AGBL1: variants seen among roughly 807,000 people sequenced by gnomAD.
AGBL1 encodes cytosolic carboxypeptidase 4.
AGBL1 carries 130 observed loss-of-function variants against 118.9 expected under a neutral mutation model. That is an observed-to-expected ratio of 1.09 (90% CI 0.95 to 1.26). AGBL1 has a LOEUF of 1.26. AGBL1 is among the 50% of genes most tolerant of loss of function. The pLI is 0.00. For missense variants in AGBL1, 1,584 were observed against 1,298.1 expected (o/e 1.22, Z -3.38); for synonymous variants, 555 against 478.9 (o/e 1.16, Z -2.08).
At chr15:86,338,491 ATTAC>A (rs2080409119) in intron 17 of AGBL1, among the ~76,000 whole-genome samples, 1 of 149,320 alleles carries the variant, frequency 6.7e-6, no homozygotes, top group Admixed American at 6.7e-5. Context: ...TATTAAAGGA[ATTAC>A]TCTGGCTGTT....
chr15:86,550,533 T>C (rs1266510258), intron 20 of AGBL1, among the ~76,000 whole-genome samples: 1 of 152,012 alleles, frequency 6.6e-6, no homozygotes, highest in Non-Finnish European at 1.5e-5. Flanking sequence ...GAGCTAAGGG[T>C]GCAATTCATA....
intron 22 of AGBL1, among the ~76,000 whole-genome samples, chr15:86,860,660 G>A (rs1279443259): frequency 6.6e-6 from 1 of 152,022 alleles, no homozygotes; most frequent in Admixed American, 6.6e-5. Flanking sequence ...AGCCCAAGGA[G>A]CTTATTTTTG....
chr15:86,290,343 C>CTTTTTTTTTTTTTTT (rs559169172), intron 16 of AGBL1, among the ~76,000 whole-genome samples: 1 of 134,346 alleles, frequency 7.4e-6, no homozygotes, highest in South Asian at 2.3e-4. Context: ...TCTTTTCTTT[C>CTTTTTTTTTTTTTTT]TTTTTTTTTT....
chr15:87,030,768 T>C (rs1358947852), downstream of AGBL1, among the ~76,000 whole-genome samples: 2 of 151,982 alleles, frequency 1.3e-5, no homozygotes, highest in African/African-American at 2.4e-5. Flanking sequence ...ATCCACTTTT[T>C]CTCCATTAGA....
At chr15:86,755,635 A>G (rs372864690) in intron 22 of AGBL1, among the ~76,000 whole-genome samples, 7 of 152,058 alleles carry the variant, frequency 4.6e-5, no homozygotes, top group South Asian at 2.1e-4. Flanking sequence ...TTGCCGCTCT[A>G]TCTTACTTTT....
intron 17 of AGBL1, among the ~76,000 whole-genome samples, chr15:86,336,135 T>C (rs770278223): frequency 2.0e-5 from 3 of 152,206 alleles, no homozygotes; most frequent in African/African-American, 7.2e-5. Context: ...CCACCTGTGA[T>C]AGAGTGCCCT....
chr15:86,217,115 T>C (rs2078202648), intron 5 of AGBL1, among the ~76,000 whole-genome samples: 1 of 152,238 alleles, frequency 6.6e-6, no homozygotes. Context: ...TTTTTCTTTT[T>C]TTCCCCATGG....
chr15:86,730,812 C>CTATTT (rs898850960), intron 22 of AGBL1, among the ~76,000 whole-genome samples: 17 of 151,992 alleles, frequency 1.1e-4, no homozygotes, highest in East Asian at 1.9e-4. Context: ...AGATTTGTAC[C>CTATTT]TATTTTATTT....
At position 86,271,707 on chromosome 15, in the gene AGBL1, G is replaced by T; in HGVS notation, c.2075+1G>T. 2 of 1,610,076 alleles carry T rather than the reference G, an allele frequency of 1.2e-6. No homozygotes were observed. The highest frequency in any genetic ancestry group is 1.7e-6 in the Non-Finnish European group (2 of 1,176,386). ...CAGGCCATGAAATATGTTATTACAA[G>T]TAAGTTAGAGCGCTGTTAGCTTCCT... On this transcript the variant is annotated splice_donor_variant, in intron 15 of 22. Transcript: ENST00000614907. LOFTEE classifies it high-confidence loss of function.
chr15:86,572,910 T>A (rs2142314125), intron 21 of AGBL1, among the ~76,000 whole-genome samples: 1 of 152,348 alleles, frequency 6.6e-6, no homozygotes, highest in African/African-American at 2.4e-5. Context: ...GTCTTCAACA[T>A]TCTTCACCAT....
intron 1 of AGBL1, among the ~76,000 whole-genome samples, chr15:86,091,132 AGTGCT>A (rs1358762559): frequency 6.6e-6 from 1 of 152,186 alleles, no homozygotes; most frequent in Non-Finnish European, 1.5e-5. Context: ...TCTTGACATC[AGTGCT>A]AGGAGATTTG....
intron 22 of AGBL1, among the ~76,000 whole-genome samples, chr15:86,853,333 TAAGC>T (rs771916621): frequency 6.6e-6 from 1 of 152,166 alleles, no homozygotes; most frequent in South Asian, 2.1e-4. Flanking sequence ...CATTAGCAAT[TAAGC>T]AAGCAGTAGA....
At chr15:86,788,169 G>A (rs912135790) in intron 22 of AGBL1, among the ~76,000 whole-genome samples, 8 of 152,228 alleles carry the variant, frequency 5.3e-5, no homozygotes, top group Non-Finnish European at 1.0e-4. Flanking sequence ...GGTGCCCACT[G>A]AGGCCAAGCC....
chr15:86,991,612 C>T (rs1426235485), intron 24 of AGBL1, among the ~76,000 whole-genome samples: 4 of 152,190 alleles, frequency 2.6e-5, no homozygotes, highest in Middle Eastern at 6.8e-3. Context: ...ACTGAGGGAC[C>T]ATGGAGGGCT....
At chr15:86,988,306 T>G (rs928187856) in intron 24 of AGBL1, 3 of 492,532 alleles carry the variant, frequency 6.1e-6, no homozygotes, top group African/African-American at 3.9e-5. Flanking sequence ...CGATTACTGG[T>G]TGTTCTGTAT....
intron 16 of AGBL1, among the ~76,000 whole-genome samples, chr15:86,286,018 G>A (rs1336260967): frequency 2.0e-5 from 3 of 151,998 alleles, no homozygotes; most frequent in South Asian, 4.2e-4. Flanking sequence ...TTGATATCAG[G>A]CACCAAAGGG....
At chr15:86,858,820 G>C (rs1339767794) in intron 22 of AGBL1, among the ~76,000 whole-genome samples, 1 of 152,242 alleles carries the variant, frequency 6.6e-6, no homozygotes, top group African/African-American at 2.4e-5. Flanking sequence ...GTCTAGATAG[G>C]TCTAAAAGAC....
At chr15:86,562,955 T>C (rs1311350232) in intron 21 of AGBL1, among the ~76,000 whole-genome samples, 1 of 152,230 alleles carries the variant, frequency 6.6e-6, no homozygotes, top group African/African-American at 2.4e-5. Flanking sequence ...TATTCTCTGA[T>C]GGTAGTTTGT....
chr15:86,189,878 A>C (rs1166570096), intron 5 of AGBL1, among the ~76,000 whole-genome samples: 1 of 152,218 alleles, frequency 6.6e-6, no homozygotes, highest in African/African-American at 2.4e-5. Context: ...TATCACCTTG[A>C]CATTACCATG....
Sources: gnomAD v4.1 joint callset for allele counts (sites outside exome capture counted in the v4.1 genomes callset) on GRCh38, gnomAD v4.1.1 for gene constraint, MANE v1.5 for transcripts, NCBI Gene and HGNC (gene_info 2026-07-23, HGNC 2026-07-21) for gene names.